OR4P4: variants seen among roughly 807,000 people sequenced by gnomAD.
The protein encoded by OR4P4 is olfactory receptor family 4 subfamily P member 4.
A neutral mutation model predicts 2.1 loss-of-function variants in OR4P4; 1 was observed. The observed-to-expected ratio is 0.47, with a 90% confidence interval of 0.17 to 2.21. The LOEUF (loss-of-function observed/expected upper bound fraction) is 2.21, where lower values mean the gene tolerates loss of function less well. Ranked by LOEUF, OR4P4 falls within the 30% of genes most tolerant of loss-of-function variation. The pLI is 0.27. For missense variants in OR4P4, 375 were observed against 376.5 expected, an observed-to-expected ratio of 1.00 and a Z score of 0.03; for synonymous variants, 129 against 133.2, an observed-to-expected ratio of 0.97 and a Z score of 0.22.
At chr11:55,636,712 C>T (rs1243367318) in intron 1 of OR4P4, among the ~76,000 whole-genome samples, 2 of 137,302 alleles carry the variant, frequency 1.5e-5, no homozygotes, top group Admixed American at 8.0e-5. Context: ...ATGTGTTTTC[C>T]TTGTGATATA....
exon 2 of OR4P4, chr11:55,639,287 A>G (rs201341585): frequency 1.4e-6 from 2 of 1,410,462 alleles, no homozygotes; most frequent in African/African-American, 1.4e-5. Context: ...AAAGAAATCA[A>G]CTTTTCTGAA....
At chr11:55,635,431 CT>C (rs1209867135) in intron 1 of OR4P4, among the ~76,000 whole-genome samples, 2 of 136,926 alleles carry the variant, frequency 1.5e-5, no homozygotes, top group African/African-American at 5.0e-5. Flanking sequence ...TGCCTTCAAA[CT>C]TTTTTTTATG....
chr11:55,638,399 G>A lies in OR4P4; in HGVS notation c.42G>A (p.Gly14=), dbSNP rs1565073249. The change falls in exon 2 of 2, where the codon GGG becomes GGA. Residue 14 remains glycine (G), a synonymous_variant. Transcript: ENST00000641760. Reference sequence around the variant, plus strand: ...ATAGCACTTTGTTTATTCTCTTGGGGTTTTCCCAAAATAAGAACATTGAAG... The same window carrying A: ...ATAGCACTTTGTTTATTCTCTTGGGATTTTCCCAAAATAAGAACATTGAAG... 4.1e-6 allele frequency: 6 copies of A among 1,449,414 alleles called. 2 individuals carry two copies. In the African/African-American group the frequency reaches 5.6e-5, roughly 13 times the overall value. 89.8% of individuals were successfully genotyped at this position (1,449,414 alleles called of 1,614,324 possible). A position where few individuals can be genotyped will look rare whatever the true frequency, so the allele number is the denominator to read the frequency against.
Position 55,639,049 on chromosome 11 carries a change from G to C in OR4P4, c.692G>C (p.Arg231Pro). ...ATCAGAGCATACTCTGCAGAGAGAC[G>C]CAGCAAAGCTCTTGCCACTTGTAGT... Residue 231 changes from arginine (R) to proline (P), a missense_variant, in exon 2 of 2, where the codon CGC becomes CCC. Transcript: ENST00000641760. 4.0e-6 allele frequency: 6 copies of C among 1,490,958 alleles called. 1 individual carries two copies. Among genetic ancestry groups the C allele is most frequent in the Non-Finnish European group, 5.5e-6 (6 of 1,095,606 alleles). The allele number at this position is 1,490,958 out of a possible 1,614,324, so 92.4% of individuals were successfully genotyped here.
exon 2 of OR4P4, chr11:55,638,880 T>C: frequency 6.7e-7 from 1 of 1,493,882 alleles, no homozygotes; most frequent in Non-Finnish European, 9.1e-7. Flanking sequence ...GATAGATCAC[T>C]ACTTCTGTGA....
rs1388792342 is a variant in OR4P4, at chr11:55,636,630, C to T, written c.-31+1414C>T. ...GAGTCAGAGAACTCAGATTTTAAGC[C>T]TTAGTTTGCTATATACCATTTGTGT... On this transcript the variant is annotated intron_variant, in intron 1 of 1. Transcript: ENST00000641760. 8.0e-5 allele frequency among the ~76,000 whole-genome samples: 11 copies of T among 137,118 alleles called. 3 individuals are homozygous for T. The Admixed American group carries it at 8.7e-4, about 11-fold the overall frequency. The allele number at this position is 137,118 out of a possible 152,430, so 90.0% of individuals were successfully genotyped here.
chr11:55,638,438 A>G lies in OR4P4; in HGVS notation c.81A>G (p.Val27=). The change falls in exon 2 of 2, where the codon GTA becomes GTG. Residue 27 remains valine, a synonymous_variant. Coordinates refer to ENST00000641760, the Ensembl canonical transcript of OR4P4. ...AGAACATTGAAGTCCTCTGCTTTGT[A>G]TTATTTTTGTTTTGCTACATTGCTA... 3.4e-6 allele frequency: 5 copies of G among 1,466,500 alleles called. 1 individual carries two copies. The highest frequency in any genetic ancestry group is 2.8e-6 in the Non-Finnish European group (3 of 1,076,712). 90.8% of individuals were successfully genotyped at this position (1,466,500 alleles called of 1,614,324 possible).
Position 55,639,019 on chromosome 11 carries a change from A to T in OR4P4, c.662A>T (p.Tyr221Phe). 3 of 1,492,334 alleles carry T rather than the reference A, an allele frequency of 2.0e-6. 1 individual carries two copies. Among genetic ancestry groups the T allele is most frequent in the Non-Finnish European group, 2.7e-6 (3 of 1,097,458 alleles). The allele number at this position is 1,492,334 out of a possible 1,614,324, so 92.4% of individuals were successfully genotyped here. Residue 221 changes from tyrosine (Y) to phenylalanine (F), a missense_variant, in exon 2 of 2, where the codon TAT becomes TTT. Transcript: ENST00000641760. ...TTGTTGTCTTATGTTTTTATATTGT[A>T]TACCATCAGAGCATACTCTGCAGAG...
rs1858412263 is a variant in OR4P4 at position 55,638,333 on chromosome 11, TTA to T, written c.-21_-20del. On this transcript the variant is annotated 5_prime_UTR_variant, in exon 2 of 2. In the 5' UTR this introduces an upstream ATG that the reference lacks. Transcript: ENST00000641760. The stretch of plus-strand genomic sequence containing the variant: ...TATAAATTATGTCATTTCAGGTGAC[TTA>T]TATGTTCTATCTACACTGGACCATG... 2.0e-6 allele frequency: 2 copies of T among 1,024,760 alleles called. No homozygotes were observed. Among genetic ancestry groups the T allele is most frequent in the African/African-American group, 1.6e-5 (1 of 64,360 alleles). 63.5% of individuals were successfully genotyped at this position (1,024,760 alleles called of 1,614,324 possible).
chr11:55,638,529 T>C lies in OR4P4; in HGVS notation c.172T>C (p.Tyr58His). Residue 58 changes from tyrosine to histidine, a missense_variant, in exon 2 of 2, where the codon TAT becomes CAT. Coordinates refer to ENST00000641760, the Ensembl canonical transcript of OR4P4. ...CACCCAGCTCATTCACCAACCCATG[T>C]ATTTCTTCCTCAATTACCTCTCACT... The C allele has an allele frequency of 3.4e-6, 5 of 1,486,290 alleles. 1 individual carries two copies. The highest frequency in any genetic ancestry group is 4.6e-6 in the Non-Finnish European group (5 of 1,092,862). 92.1% of individuals were successfully genotyped at this position (1,486,290 alleles called of 1,614,324 possible).
chr11:55,638,523 C>T (rs773720902), exon 2 of OR4P4: 1 of 1,486,888 alleles, frequency 6.7e-7, no homozygotes, highest in Non-Finnish European at 9.1e-7. Flanking sequence ...CATTCACCAA[C>T]CCATGTATTT....
At chr11:55,635,314 T>TA (rs1858375374) in intron 1 of OR4P4, 98 bp downstream of exon 1, 1 of 137,772 alleles carries the variant, frequency 7.3e-6, no homozygotes, top group Non-Finnish European at 1.6e-5. Flanking sequence ...ATATAGCCTT[T>TA]ACCTAAAATT....
chr11:55,639,433 T>A, exon 2 of OR4P4: 1 of 532,614 alleles, frequency 1.9e-6, no homozygotes, highest in South Asian at 2.5e-5. Context: ...TACTTCTACA[T>A]TGACATCTCT....
At position 55,636,888 on chromosome 11, in the gene OR4P4, T is replaced by A. The variant is rs1858394549; in HGVS notation, c.-30-1440T>A. Among the ~76,000 whole-genome samples, 3 of 138,192 alleles carry A rather than the reference T, an allele frequency of 2.2e-5. 1 individual carries two copies. The highest frequency in any genetic ancestry group is 7.9e-5 in the Admixed American group (1 of 12,682). 90.7% of individuals were successfully genotyped at this position (138,192 alleles called of 152,430 possible). A position where few individuals can be genotyped will look rare whatever the true frequency, so the allele number is the denominator to read the frequency against. ...AGATAAAGCATTTTAAAACAAGTTATAAAATTTGCAAGATTACATTTGAAG... is the reference window on the plus strand; with the variant it reads ...AGATAAAGCATTTTAAAACAAGTTAAAAAATTTGCAAGATTACATTTGAAG... On this transcript the variant is annotated intron_variant, in intron 1 of 1. Coordinates refer to ENST00000641760, the Ensembl canonical transcript of OR4P4.
exon 2 of OR4P4, chr11:55,638,506 C>G: frequency 6.7e-7 from 1 of 1,485,610 alleles, no homozygotes; most frequent in Non-Finnish European, 9.2e-7. Context: ...ATCACGTGCA[C>G]CCAGCTCATT....
At chr11:55,637,565 A>G (rs1858402815) in intron 1 of OR4P4, among the ~76,000 whole-genome samples, 1 of 137,720 alleles carries the variant, frequency 7.3e-6, no homozygotes, top group Non-Finnish European at 1.6e-5. Flanking sequence ...TATTCATTGT[A>G]TTGGTAACAA....
intron 1 of OR4P4, among the ~76,000 whole-genome samples, chr11:55,637,618 G>C (rs116132986): frequency 0.026 from 3,590 of 137,316 alleles, 476 homozygotes; most frequent in African/African-American, 0.085. Context: ...AAATTTAAGG[G>C]GGTTTAAGAA....
At chr11:55,638,333 T>A in exon 2 of OR4P4, 2 of 1,024,760 alleles carry the variant, frequency 2.0e-6, no homozygotes, top group African/African-American at 1.6e-5. Flanking sequence ...TTCAGGTGAC[T>A]TATATGTTCT....
rs778797437 is a variant in OR4P4 at position 55,639,049 on chromosome 11, G to A, written c.692G>A (p.Arg231His). The A allele has an allele frequency of 9.4e-6, 14 of 1,490,872 alleles. 3 individuals carry two copies. In the East Asian group the frequency reaches 1.5e-4, roughly 16 times the overall value. 92.4% of individuals were successfully genotyped at this position (1,490,872 alleles called of 1,614,324 possible). ...ATCAGAGCATACTCTGCAGAGAGACGCAGCAAAGCTCTTGCCACTTGTAGT... is the reference window on the plus strand; with the variant it reads ...ATCAGAGCATACTCTGCAGAGAGACACAGCAAAGCTCTTGCCACTTGTAGT... Residue 231 changes from arginine to histidine, a missense_variant, in exon 2 of 2, where the codon CGC becomes CAC. Transcript: ENST00000641760.
Sources: gnomAD v4.1 joint callset for allele counts (sites outside exome capture counted in the v4.1 genomes callset) on GRCh38, gnomAD v4.1.1 for gene constraint, MANE v1.5 for transcripts, NCBI Gene and HGNC (gene_info 2026-07-23, HGNC 2026-07-21) for gene names.